FARP2: variants seen among roughly 807,000 people sequenced by gnomAD.
FARP2 encodes the protein FERM, ARH/RhoGEF and pleckstrin domain protein 2.
Under a neutral mutation model 130.5 loss-of-function variants are expected in FARP2, and 111 were observed. The observed-to-expected ratio is 0.85, with a 90% confidence interval of 0.73 to 1.00. FARP2 has a LOEUF of 1.00. FARP2 is among the 50% of genes least tolerant of loss of function. The probability of loss-of-function intolerance (pLI) is 0.00; values close to 1 mark genes in which losing one functional copy is unlikely to be tolerated. For synonymous variants in FARP2, 504 were observed against 516.9 expected (o/e 0.98, Z 0.34); for missense variants, 1,385 against 1,346.3 (o/e 1.03, Z -0.45).
At chr2:241,463,639 C>G (rs1174290685) in intron 16 of FARP2, 171 bp downstream of exon 16, 3 of 762,564 alleles carry the variant, frequency 3.9e-6, no homozygotes, top group Non-Finnish European at 6.2e-6. Context: ...TTTATTCACC[C>G]TCTTCCAGAA....
At chr2:241,407,039 A>G (rs890170745) in intron 4 of FARP2, among the ~76,000 whole-genome samples, 4 of 148,414 alleles carry the variant, frequency 2.7e-5, no homozygotes, top group Non-Finnish European at 6.0e-5. Context: ...CGATCTCCTG[A>G]CCTTGTGATC....
chr2:241,465,519 A>G (rs1214948193), intron 17 of FARP2: 1 of 1,550,530 alleles, frequency 6.4e-7, no homozygotes, highest in Non-Finnish European at 8.7e-7. Flanking sequence ...AGACTTTTGG[A>G]TAGGCAGGGG....
intron 1 of FARP2, among the ~76,000 whole-genome samples, chr2:241,363,325 A>G (rs956661464): frequency 6.6e-6 from 1 of 152,194 alleles, no homozygotes; most frequent in Non-Finnish European, 1.5e-5. Context: ...CTCTTAGGGA[A>G]TGGGGAAAAC....
intron 23 of FARP2, 23 bp downstream of exon 23, chr2:241,491,202 C>T: frequency 1.3e-6 from 2 of 1,540,232 alleles, no homozygotes; most frequent in Non-Finnish European, 9.0e-7. Flanking sequence ...CACAACCCCC[C>T]AGGAGACCTC....
intron 14 of FARP2, among the ~76,000 whole-genome samples, chr2:241,457,411 C>T (rs571752276): frequency 6.3e-5 from 9 of 141,932 alleles, no homozygotes; most frequent in East Asian, 6.0e-4. Context: ...CGGAGAGGCT[C>T]TTGGGCAGGA....
intron 2 of FARP2, among the ~76,000 whole-genome samples, chr2:241,377,707 G>C (rs904568496): frequency 6.6e-5 from 10 of 152,158 alleles, no homozygotes; most frequent in Non-Finnish European, 1.3e-4. Context: ...AACACTATGT[G>C]AATACTTGTT....
intron 18 of FARP2, among the ~76,000 whole-genome samples, chr2:241,469,298 G>T (rs2124822584): frequency 6.6e-6 from 1 of 152,204 alleles, no homozygotes; most frequent in South Asian, 2.1e-4. Flanking sequence ...TGTTGGCCAG[G>T]CTAGTCTCGA....
intron 19 of FARP2, among the ~76,000 whole-genome samples, chr2:241,476,824 G>A (rs2064481542): frequency 6.6e-6 from 1 of 152,106 alleles, no homozygotes; most frequent in Admixed American, 6.5e-5. Context: ...GTCGAATTCA[G>A]AACATTTTCA....
At chr2:241,365,893 C>G (rs970632600) in intron 1 of FARP2, among the ~76,000 whole-genome samples, 6 of 150,836 alleles carry the variant, frequency 4.0e-5, no homozygotes, top group African/African-American at 9.7e-5. Context: ...TACTAAACAC[C>G]GTGTACAGTT....
chr2:241,361,166 C>G (rs2061177263), intron 1 of FARP2, among the ~76,000 whole-genome samples: 1 of 152,170 alleles, frequency 6.6e-6, no homozygotes, highest in South Asian at 2.1e-4. Flanking sequence ...TGGCTCCCTC[C>G]ATTTCAAACC....
intron 14 of FARP2, 110 bp downstream of exon 14, chr2:241,457,032 C>T: frequency 1.0e-6 from 1 of 994,328 alleles, no homozygotes; most frequent in South Asian, 1.8e-5. Flanking sequence ...GGGAAGGGCT[C>T]TGCACTCACA....
intron 21 of FARP2, among the ~76,000 whole-genome samples, chr2:241,487,149 T>C (rs540385829): frequency 8.5e-5 from 13 of 152,362 alleles, no homozygotes; most frequent in Admixed American, 2.6e-4. Flanking sequence ...AGTCACAAAT[T>C]ATTTTCTCAG....
chr2:241,398,666 T>C lies in FARP2; in HGVS notation c.184-5162T>C, dbSNP rs540621772. On this transcript the variant is annotated intron_variant, in intron 2 of 26. Transcript: ENST00000264042. The stretch of plus-strand genomic sequence containing the variant: ...CTCACTGCAACCTCTGCCTCCCAGG[T>C]TCAGGCAACTCTCCTGCCTCAGCCT... Among the ~76,000 whole-genome samples, 582 of 151,806 alleles carry C rather than the reference T, an allele frequency of 3.8e-3. 2 individuals are homozygous for C. Among genetic ancestry groups the C allele is most frequent in the African/African-American group, 0.012 (488 of 41,376 alleles).
At chr2:241,377,912 T>A (rs576945498) in intron 2 of FARP2, among the ~76,000 whole-genome samples, 3 of 152,150 alleles carry the variant, frequency 2.0e-5, no homozygotes, top group Non-Finnish European at 4.4e-5. Context: ...CTAGGTCTAA[T>A]CATTAAAGGA....
intron 5 of FARP2, chr2:241,410,797 A>G: frequency 2.1e-6 from 1 of 472,720 alleles, no homozygotes; most frequent in Non-Finnish European, 3.9e-6. Flanking sequence ...GCGCTCTCCC[A>G]TGTGTGTGAC....
chr2:241,450,869 T>TCC (rs1183576840), intron 13 of FARP2, among the ~76,000 whole-genome samples: 4 of 151,868 alleles, frequency 2.6e-5, no homozygotes, highest in Non-Finnish European at 5.9e-5. Context: ...TGAGAATCGT[T>TCC]TGAATCCAGG....
At chr2:241,489,748 C>T in intron 21 of FARP2, 1 of 504,128 alleles carries the variant, frequency 2.0e-6, no homozygotes, top group South Asian at 2.6e-5. Context: ...ATTTGGGTGC[C>T]CTCTGGCCCA....
chr2:241,461,033 C>T (rs1434874359), intron 14 of FARP2, among the ~76,000 whole-genome samples: 4 of 152,182 alleles, frequency 2.6e-5, no homozygotes, highest in Non-Finnish European at 4.4e-5. Flanking sequence ...GTAGACAACC[C>T]TGCAGGCTCT....
chr2:241,480,231 G>C (rs2064580608), intron 19 of FARP2, among the ~76,000 whole-genome samples: 1 of 152,004 alleles, frequency 6.6e-6, no homozygotes, highest in African/African-American at 2.4e-5. Context: ...TGCTTCTGGA[G>C]ACTTCTTGCC....
Sources: allele counts gnomAD v4.1 joint callset (sites outside exome capture counted in the v4.1 genomes callset), GRCh38; gene constraint gnomAD v4.1.1; transcripts MANE v1.5; gene names NCBI Gene and HGNC (gene_info 2026-07-23, HGNC 2026-07-21).